The following FKBP1B variants were observed in gnomAD, a reference collection of about 807,000 sequenced individuals.
FKBP1B encodes the protein peptidyl-prolyl cis-trans isomerase FKBP1B.
A neutral mutation model predicts 13.5 loss-of-function variants in FKBP1B; 4 were observed. The observed-to-expected ratio is 0.30, with a 90% CI of 0.15 to 0.68. The LOEUF (loss-of-function observed/expected upper bound fraction) is 0.68. FKBP1B is among the 30% of genes least tolerant of loss of function. FKBP1B has a pLI of 0.76. For synonymous variants in FKBP1B, 54 were observed against 53.6 expected, an observed-to-expected ratio of 1.01 and a Z score of -0.03; for missense variants, 93 against 136.2, an observed-to-expected ratio of 0.68 and a Z score of 1.58.
chr2:24,048,040 G>A (rs1321175598), upstream of FKBP1B, among the ~76,000 whole-genome samples: 2 of 152,148 alleles, frequency 1.3e-5, no homozygotes, highest in Non-Finnish European at 2.9e-5. Flanking sequence ...GGAGAGTGGG[G>A]ATGAGGAAAT....
chr2:24,039,443 G>A, the FKBP1B span: 17 of 1,614,204 alleles, frequency 1.1e-5, no homozygotes, highest in Non-Finnish European at 1.4e-5. Flanking sequence ...TGCACTGCTT[G>A]ATGCAACGCA....
the FKBP1B span, among the ~76,000 whole-genome samples, chr2:24,035,554 TA>T: frequency 6.6e-6 from 1 of 152,020 alleles, no homozygotes; most frequent in Non-Finnish European, 1.5e-5. Context: ...ACAAACTCTT[TA>T]AAAAGTCATA....
intron 2 of FKBP1B, among the ~76,000 whole-genome samples, chr2:24,059,379 G>A (rs1025395148): frequency 6.6e-5 from 10 of 151,850 alleles, no homozygotes; most frequent in South Asian, 6.2e-4. Context: ...ACCTGGGGGG[G>A]GGTTCTGGTT....
the FKBP1B span, chr2:24,037,627 G>A: frequency 6.3e-5 from 96 of 1,522,758 alleles, no homozygotes; most frequent in Non-Finnish European, 7.6e-5. Context: ...AGTACTCACC[G>A]GCTGCAGGAG....
In FKBP1B at chr2:24,059,017, A is replaced by C. The variant is rs180881611; in HGVS notation, c.86-1797A>C. ...TAGCATCATAGATGCTCCTACACTAAGCTGGCCCTGCTTCCTATGTTAAAT... is the reference window on the plus strand; with the variant it reads ...TAGCATCATAGATGCTCCTACACTACGCTGGCCCTGCTTCCTATGTTAAAT... On this transcript the variant is annotated intron_variant, in intron 2 of 3. Transcript: ENST00000380986. Among the ~76,000 whole-genome samples the C allele has an allele frequency of 2.6e-3, 403 of 152,314 alleles. 2 individuals are homozygous for C. The highest frequency in any genetic ancestry group is 3.6e-3 in the Non-Finnish European group (245 of 68,032).
At chr2:24,062,900 A>G (rs879777522) in intron 3 of FKBP1B, 164 bp from the exon 4 acceptor site, 3 of 1,036,782 alleles carry the variant, frequency 2.9e-6, no homozygotes, top group East Asian at 5.2e-5. Flanking sequence ...GCGTTTGTTA[A>G]AGCTGTTAGC....
the FKBP1B span, chr2:24,037,839 C>G: frequency 9.1e-5 from 147 of 1,614,178 alleles, no homozygotes; most frequent in African/African-American, 1.8e-3. Context: ...GATAAGTTTC[C>G]TTTTCACTTT....
At chr2:24,045,205 T>C (rs541257418), upstream of FKBP1B, among the ~76,000 whole-genome samples, 2 of 152,236 alleles carry the variant, frequency 1.3e-5, no homozygotes, top group South Asian at 4.1e-4. Context: ...GTGATATCGA[T>C]AGGATATAAG....
upstream of FKBP1B, chr2:24,049,708 G>A (rs1663753729): frequency 3.4e-6 from 2 of 583,348 alleles, no homozygotes; most frequent in Non-Finnish European, 5.1e-6. Context: ...TCCCCGCGCA[G>A]GTCCCGACTC....
At chr2:24,038,231 A>G in the FKBP1B span, 1 of 1,614,176 alleles carries the variant, frequency 6.2e-7, no homozygotes, top group Admixed American at 1.7e-5. Flanking sequence ...CTAATGGCAT[A>G]CTGATCAGAC....
At chr2:24,059,373 G>GT (rs1553320920) in intron 2 of FKBP1B, among the ~76,000 whole-genome samples, 1 of 54,144 alleles carries the variant, frequency 1.8e-5, no homozygotes, top group Non-Finnish European at 4.1e-5. Flanking sequence ...ACCAGCACCT[G>GT]GGGGGGGGTT....
the FKBP1B span, among the ~76,000 whole-genome samples, chr2:24,034,203 T>C: frequency 1.8e-4 from 27 of 152,268 alleles, no homozygotes; most frequent in Middle Eastern, 3.4e-3. Flanking sequence ...GGTGGATCAC[T>C]TGAGGTCAGG....
At chr2:24,051,118 A>G (rs957532458) in intron 1 of FKBP1B, among the ~76,000 whole-genome samples, 2 of 152,018 alleles carry the variant, frequency 1.3e-5, no homozygotes, top group Non-Finnish European at 2.9e-5. Flanking sequence ...GGCGGATCAC[A>G]AGGTCAGGAG....
At chr2:24,053,199 C>G (rs928340858) in intron 1 of FKBP1B, among the ~76,000 whole-genome samples, 1 of 151,894 alleles carries the variant, frequency 6.6e-6, no homozygotes, top group Non-Finnish European at 1.5e-5. Context: ...GCAGCCTTGA[C>G]CTCCTGGGCT....
At chr2:24,037,022 A>T in the FKBP1B span, among the ~76,000 whole-genome samples, 1 of 152,256 alleles carries the variant, frequency 6.6e-6, no homozygotes, top group African/African-American at 2.4e-5. Flanking sequence ...ATTTTAAATG[A>T]ACATAACCTT....
the FKBP1B span, among the ~76,000 whole-genome samples, chr2:24,035,045 GA>G: frequency 2.0e-5 from 3 of 151,072 alleles, no homozygotes. Context: ...TAAATGTACA[GA>G]AAAAATATGG....
chr2:24,057,185 T>G (rs766450403), intron 2 of FKBP1B, among the ~76,000 whole-genome samples: 1 of 151,982 alleles, frequency 6.6e-6, no homozygotes, highest in Non-Finnish European at 1.5e-5. Flanking sequence ...AAAATTTTTT[T>G]CTTTCTTTTT....
At chr2:24,059,373 G>GGGGT (rs70944711) in intron 2 of FKBP1B, among the ~76,000 whole-genome samples, 5 of 54,144 alleles carry the variant, frequency 9.2e-5, no homozygotes, top group African/African-American at 2.6e-4. Flanking sequence ...ACCAGCACCT[G>GGGGT]GGGGGGGGTT....
chr2:24,037,782 C>T, the FKBP1B span: 1 of 1,614,218 alleles, frequency 6.2e-7, no homozygotes, highest in Non-Finnish European at 8.5e-7. Context: ...GACACCGTTG[C>T]ATTTCAACCA....
Sources: gnomAD v4.1 joint callset for allele counts (sites outside exome capture counted in the v4.1 genomes callset) on GRCh38, gnomAD v4.1.1 for gene constraint, MANE v1.5 for transcripts, NCBI Gene and HGNC (gene_info 2026-07-23, HGNC 2026-07-21) for gene names.